Variants in TNS1 observed in about 807,000 individuals in gnomAD.
TNS1 encodes tensin-1.
A neutral mutation model predicts 168.6 loss-of-function variants in TNS1; 62 were observed. The ratio of observed to expected loss-of-function variants is 0.37; its 90% CI spans 0.30 to 0.45. TNS1 has a LOEUF of 0.45. Ranked by LOEUF, TNS1 falls within the 20% of genes least tolerant of loss-of-function variation. TNS1 has a pLI of 1.00. For synonymous variants in TNS1, 934 were observed against 933.2 expected (o/e 1.00, Z -0.02); for missense variants, 2,240 against 2,339.4 (o/e 0.96, Z 0.88).
chr2:217,920,430 G>A (rs1335785939), intron 3 of TNS1, among the ~76,000 whole-genome samples, 194 bp from the exon 4 acceptor site: 1 of 152,208 alleles, frequency 6.6e-6, no homozygotes, highest in African/African-American at 2.4e-5. Context: ...GGGAAAGGGA[G>A]CGGGGGCCGC....
At chr2:217,858,600 T>C (rs1948443334) in intron 18 of TNS1, 1 of 985,896 alleles carries the variant, frequency 1.0e-6, no homozygotes. Context: ...CTCCAAGTGC[T>C]GTCTGTGTCC....
At chr2:217,959,600 A>C (rs1231531017) in intron 3 of TNS1, among the ~76,000 whole-genome samples, 1 of 152,188 alleles carries the variant, frequency 6.6e-6, no homozygotes, top group African/African-American at 2.4e-5. Flanking sequence ...GTGCCTTAGC[A>C]TGGAATCTTA....
chr2:217,908,083 C>T (rs1953921863), intron 4 of TNS1, among the ~76,000 whole-genome samples: 1 of 152,144 alleles, frequency 6.6e-6, no homozygotes, highest in African/African-American at 2.4e-5. Flanking sequence ...ATTTGTGATT[C>T]TTATTCCACC....
rs111429146 is a variant in TNS1, at chr2:217,820,940, C to T, written c.3572+800G>A. On this transcript the variant is annotated intron_variant, in intron 23 of 32. Transcript: ENST00000682258. ...CAGGCCACATGCCCTCAGCCTCACA[C>T]TCCCAACATGGCCACAGCCCAGTCC... is the stretch of plus-strand genomic sequence containing the variant. Among the ~76,000 whole-genome samples the T allele has an allele frequency of 8.1e-3, 1,232 of 152,316 alleles. 4 individuals carry two copies. Among genetic ancestry groups the T allele is most frequent in the Non-Finnish European group, 0.011 (758 of 68,032 alleles).
chr2:218,013,045 C>T (rs942837861), upstream of TNS1, among the ~76,000 whole-genome samples: 6 of 151,322 alleles, frequency 4.0e-5, no homozygotes, highest in Non-Finnish European at 2.9e-5. Flanking sequence ...GTCAGGAGTT[C>T]GAAACCAGCC....
intron 21 of TNS1, among the ~76,000 whole-genome samples, chr2:217,833,636 G>A (rs146049750): frequency 6.6e-6 from 1 of 152,362 alleles, no homozygotes; most frequent in Non-Finnish European, 1.5e-5. Flanking sequence ...GTCACAAGAG[G>A]CTGCAGAGCT....
intron 1 of TNS1, among the ~76,000 whole-genome samples, chr2:218,024,436 T>A (rs1958835326): frequency 6.6e-6 from 1 of 152,234 alleles, no homozygotes; most frequent in South Asian, 2.1e-4. Flanking sequence ...GAAGAGGCTG[T>A]CTGGGTGCCT....
At chr2:217,917,846 A>AAAAAAAAAAAAAAAC (rs1955227239) in intron 4 of TNS1, among the ~76,000 whole-genome samples, 1 of 151,654 alleles carries the variant, frequency 6.6e-6, no homozygotes, top group Non-Finnish European at 1.5e-5. Context: ...AAAAAAAAAA[A>AAAAAAAAAAAAAAAC]AAGACTTGCG....
rs535914440 is a variant in TNS1 at position 217,965,843 on chromosome 2, G to A, written c.186+12922C>T. ...ACCAGGGGTCTCCTCCCACCTCACC[G>A]ATAGAGCTCCTAACCTGAACTGGAC... On this transcript the variant is annotated intron_variant, in intron 3 of 32. Coordinates refer to ENST00000682258, the MANE Select transcript of TNS1 (RefSeq NM_001387777.1). 1.1e-3 allele frequency among the ~76,000 whole-genome samples: 169 copies of A among 152,126 alleles called. 1 individual carries two copies. The highest frequency in any genetic ancestry group is 4.0e-3 in the African/African-American group (165 of 41,482).
Position 217,986,048 on chromosome 2 carries a change from C to T in TNS1, c.148+4894G>A, listed in dbSNP as rs1958185567. Reference sequence around the variant, plus strand: ...AGCCTCTAATCTCATTAAATAATCCCACCTCCTCATTTAGGGAAAAGGGAA... The same window carrying T: ...AGCCTCTAATCTCATTAAATAATCCTACCTCCTCATTTAGGGAAAAGGGAA... On this transcript the variant is annotated intron_variant, in intron 2 of 32. Transcript: ENST00000682258. The surrounding 1 kb of genome is among the most constrained non-coding windows in gnomAD (Gnocchi z 4.7). 6.6e-6 allele frequency among the ~76,000 whole-genome samples: 1 copy of T among 152,164 alleles called. No homozygotes were observed. The highest frequency in any genetic ancestry group is 1.5e-5 in the Non-Finnish European group (1 of 68,024).
upstream of TNS1, among the ~76,000 whole-genome samples, chr2:218,004,102 G>T (rs1958624608): frequency 6.6e-6 from 1 of 152,172 alleles, no homozygotes; most frequent in African/African-American, 2.4e-5. Context: ...GTGGGTGGGG[G>T]CCAGTGAATC....
At chr2:217,982,405 T>C (rs1216819225) in intron 2 of TNS1, among the ~76,000 whole-genome samples, 1 of 151,100 alleles carries the variant, frequency 6.6e-6, no homozygotes, top group Non-Finnish European at 1.5e-5. Flanking sequence ...CTTTTCTTTT[T>C]TTTTTTTTTT....
rs1044676410 is a variant in TNS1 at position 217,986,050 on chromosome 2, C to A, written c.148+4892G>T. Among the ~76,000 whole-genome samples the A allele has an allele frequency of 2.6e-5, 4 of 152,188 alleles. No homozygotes were observed. Among genetic ancestry groups the A allele is most frequent in the Admixed American group, 6.5e-5 (1 of 15,284 alleles). ...CCTCTAATCTCATTAAATAATCCCA[C>A]CTCCTCATTTAGGGAAAAGGGAAAG... On this transcript the variant is annotated intron_variant, in intron 2 of 32. Transcript: ENST00000682258. The surrounding 1 kb of genome is among the most constrained non-coding windows in gnomAD (Gnocchi z 4.7).
At chr2:217,884,897 C>A (rs1281500384) in intron 16 of TNS1, 138 bp downstream of exon 16, 2 of 1,105,404 alleles carry the variant, frequency 1.8e-6, no homozygotes, top group Admixed American at 5.4e-5. Context: ...TCTCTCAACT[C>A]TCTCCTACCA....
chr2:218,015,237 G>T (rs1162297834), upstream of TNS1, among the ~76,000 whole-genome samples: 1 of 152,144 alleles, frequency 6.6e-6, no homozygotes, highest in East Asian at 1.9e-4. Context: ...ACTGCCAGGG[G>T]TCACACAGCT....
At chr2:217,867,435 G>T (rs1423202737) in intron 18 of TNS1, among the ~76,000 whole-genome samples, 1 of 152,186 alleles carries the variant, frequency 6.6e-6, no homozygotes, top group Non-Finnish European at 1.5e-5. Context: ...CAGCTTAAAT[G>T]TTTCTATGAT....
intron 30 of TNS1, 116 bp downstream of exon 30, chr2:217,809,707 G>T: frequency 2.8e-6 from 3 of 1,076,754 alleles, no homozygotes; most frequent in Non-Finnish European, 4.1e-6. Flanking sequence ...GGATGAGAAG[G>T]TAGATGAGCA....
chr2:218,002,449 G>A (rs1958582186), intron 1 of TNS1, among the ~76,000 whole-genome samples: 1 of 152,164 alleles, frequency 6.6e-6, no homozygotes, highest in South Asian at 2.1e-4. Flanking sequence ...TCCTCCTCAA[G>A]ATCTTGGGCT....
chr2:217,893,370 G>A lies in TNS1; in HGVS notation c.717+69C>T. On this transcript the variant is annotated intron_variant, in intron 10 of 32. Transcript: ENST00000682258. ...CACAATCATCCAAGGACACATTCAG[G>A]CACACACACATGTGCGCATGTGCGC... The A allele has an allele frequency of 6.6e-6, 10 of 1,505,626 alleles. 1 individual carries two copies. In the South Asian group the frequency reaches 1.3e-4, roughly 20 times the overall value. The allele number at this position is 1,505,626 out of a possible 1,614,324, so 93.3% of individuals were successfully genotyped here. A position where few individuals can be genotyped will look rare whatever the true frequency, so the allele number is the denominator to read the frequency against.
Sources: allele counts gnomAD v4.1 joint callset (sites outside exome capture counted in the v4.1 genomes callset), GRCh38; gene constraint gnomAD v4.1.1; non-coding constraint Gnocchi (gnomAD v3.1); transcripts MANE v1.5; gene names NCBI Gene and HGNC (gene_info 2026-07-23, HGNC 2026-07-21).